ARHGEF38: variants seen among roughly 807,000 people sequenced by gnomAD.
ARHGEF38 encodes the protein Rho guanine nucleotide exchange factor (GEF) 38.
ARHGEF38 carries 79 observed loss-of-function variants against 79.9 expected under a neutral mutation model. The observed-to-expected ratio is 0.99, with a 90% CI of 0.82 to 1.19. ARHGEF38 has a LOEUF of 1.19. ARHGEF38 is among the 50% of genes most tolerant of loss of function. ARHGEF38 has a pLI of 0.00. For synonymous variants in ARHGEF38, 366 were observed against 328.3 expected (o/e 1.11, Z -1.24); for missense variants, 962 against 907.2 (o/e 1.06, Z -0.78).
intron 1 of ARHGEF38, among the ~76,000 whole-genome samples, chr4:105,583,458 G>C (rs961968766): frequency 6.6e-6 from 1 of 152,028 alleles, no homozygotes; most frequent in African/African-American, 2.4e-5. Flanking sequence ...TCACCTTAAG[G>C]TTTTCCACTG....
chr4:105,665,738 C>T (rs1010934975), intron 10 of ARHGEF38, among the ~76,000 whole-genome samples: 2 of 152,152 alleles, frequency 1.3e-5, no homozygotes, highest in African/African-American at 4.8e-5. Flanking sequence ...GCCAGACTTA[C>T]CCAGTTTTTG....
chr4:105,585,714 G>A (rs1727000386), intron 1 of ARHGEF38, among the ~76,000 whole-genome samples: 1 of 126,590 alleles, frequency 7.9e-6, no homozygotes, highest in Non-Finnish European at 1.6e-5. Context: ...TTCCTAAATA[G>A]CCCCTCCGTT....
At chr4:105,564,700 A>G (rs1319119298) in intron 1 of ARHGEF38, among the ~76,000 whole-genome samples, 1 of 152,258 alleles carries the variant, frequency 6.6e-6, no homozygotes, top group Non-Finnish European at 1.5e-5. Flanking sequence ...TTACAATATT[A>G]AAATGGAATG....
intron 3 of ARHGEF38, among the ~76,000 whole-genome samples, chr4:105,627,476 C>T (rs78629215): frequency 0.056 from 8,475 of 152,186 alleles, 261 homozygotes; most frequent in Middle Eastern, 0.078. Context: ...GGTATCCAGA[C>T]ATAATATCAA....
At chr4:105,606,860 T>C (rs1728064393) in intron 2 of ARHGEF38, among the ~76,000 whole-genome samples, 1 of 152,144 alleles carries the variant, frequency 6.6e-6, no homozygotes, top group Non-Finnish European at 1.5e-5. Context: ...ACATTATTAG[T>C]GGCTATTTCT....
At chr4:105,618,333 T>C (rs924258233) in intron 3 of ARHGEF38, among the ~76,000 whole-genome samples, 18 of 152,174 alleles carry the variant, frequency 1.2e-4, no homozygotes, top group African/African-American at 4.3e-4. Flanking sequence ...CAGATTTTAA[T>C]TAATAAATAG....
intron 5 of ARHGEF38, among the ~76,000 whole-genome samples, chr4:105,640,123 C>A (rs1266494493): frequency 1.3e-5 from 2 of 151,728 alleles, no homozygotes; most frequent in Non-Finnish European, 2.9e-5. Flanking sequence ...TTTCTCTTTC[C>A]TATCCCTATC....
chr4:105,646,338 TA>T (rs889123044), intron 6 of ARHGEF38, among the ~76,000 whole-genome samples: 6 of 151,938 alleles, frequency 3.9e-5, no homozygotes, highest in East Asian at 1.9e-4. Flanking sequence ...ATTAAATCAA[TA>T]AAAAAACATT....
At chr4:105,630,821 G>T (rs565780087) in intron 3 of ARHGEF38, 77 bp from the exon 4 acceptor site, 2 of 1,329,836 alleles carry the variant, frequency 1.5e-6, no homozygotes, top group Admixed American at 4.5e-5. Context: ...GACACGAGTC[G>T]ACATTGTTGA....
intron 4 of ARHGEF38, 117 bp downstream of exon 4, chr4:105,631,162 G>A (rs1729174855): frequency 1.5e-6 from 2 of 1,354,114 alleles, no homozygotes; most frequent in East Asian, 2.7e-5. Flanking sequence ...GACTTGCTGG[G>A]AGCTCTGCTT....
chr4:105,587,366 T>A (rs550408111), intron 1 of ARHGEF38, among the ~76,000 whole-genome samples: 2 of 152,134 alleles, frequency 1.3e-5, no homozygotes, highest in East Asian at 3.9e-4. Context: ...ATAATATAGA[T>A]CAGGATTGGA....
chr4:105,618,894 G>T (rs1199118243), intron 3 of ARHGEF38, among the ~76,000 whole-genome samples: 2 of 152,108 alleles, frequency 1.3e-5, no homozygotes, highest in Non-Finnish European at 2.9e-5. Flanking sequence ...ATCGTATTTT[G>T]ATATGTAAGA....
At chr4:105,597,426 T>C (rs1040643650) in intron 2 of ARHGEF38, among the ~76,000 whole-genome samples, 1 of 152,216 alleles carries the variant, frequency 6.6e-6, no homozygotes, top group Non-Finnish European at 1.5e-5. Context: ...GAATGGTCTT[T>C]CATTTTTGCT....
intron 5 of ARHGEF38, among the ~76,000 whole-genome samples, chr4:105,644,009 G>T (rs149564487): frequency 3.6e-4 from 54 of 151,250 alleles, no homozygotes; most frequent in Non-Finnish European, 6.0e-4. Context: ...TGAGACTACA[G>T]GTGCCTGCCA....
In ARHGEF38 at chr4:105,572,005, A is replaced by T. The variant is rs1357326491; in HGVS notation, c.197-17243A>T. ...AGATAGAAGGATATCATTAACTATG[A>T]AGGTCATTCCATCATCAGTATAATG... On this transcript the variant is annotated intron_variant, in intron 1 of 13. Transcript: ENST00000420470. Among the ~76,000 whole-genome samples, 4 of 152,206 alleles carry T rather than the reference A, an allele frequency of 2.6e-5. No homozygotes were observed. In the East Asian group the frequency reaches 7.7e-4, roughly 29 times the overall value.
At chr4:105,646,185 T>C (rs983840212) in intron 6 of ARHGEF38, among the ~76,000 whole-genome samples, 1 of 152,186 alleles carries the variant, frequency 6.6e-6, no homozygotes, top group Non-Finnish European at 1.5e-5. Context: ...CTGATGTTTA[T>C]TTCAAAAGTC....
intron 2 of ARHGEF38, among the ~76,000 whole-genome samples, chr4:105,600,684 T>A (rs1364159209): frequency 6.6e-6 from 1 of 152,142 alleles, no homozygotes; most frequent in African/African-American, 2.4e-5. Flanking sequence ...CTCAAATCTC[T>A]ACTTAATTGT....
In ARHGEF38 at chr4:105,679,023, C is replaced by A; in HGVS notation, c.*1086C>A. 2.6e-6 allele frequency: 1 copy of A among 384,922 alleles called. No homozygotes were observed. Among genetic ancestry groups the A allele is most frequent in the South Asian group, 5.8e-5 (1 of 17,146 alleles). 23.8% of individuals were successfully genotyped at this position (384,922 alleles called of 1,614,324 possible). A position where few individuals can be genotyped will look rare whatever the true frequency, so the allele number is the denominator to read the frequency against. ...AAGATTAGGTAGAAATAGGCAAGCT[C>A]ACACTGCTAAATTAACTATCAAATA... On this transcript the variant is annotated 3_prime_UTR_variant, in exon 14 of 14. Coordinates refer to ENST00000420470, the MANE Select transcript of ARHGEF38 (RefSeq NM_001242729.2).
intron 3 of ARHGEF38, among the ~76,000 whole-genome samples, chr4:105,618,258 C>T (rs1264602017): frequency 6.6e-6 from 1 of 152,002 alleles, no homozygotes; most frequent in Admixed American, 6.6e-5. Flanking sequence ...GAATTATAAC[C>T]CACAGAAATA....
Sources: gnomAD v4.1 joint callset for allele counts (sites outside exome capture counted in the v4.1 genomes callset) on GRCh38, gnomAD v4.1.1 for gene constraint, MANE v1.5 for transcripts, NCBI Gene and HGNC (gene_info 2026-07-23, HGNC 2026-07-21) for gene names.